Variants in DNAH3 observed in about 807,000 individuals in gnomAD.
The protein encoded by DNAH3 is axonemal beta dynein heavy chain 3.
A neutral mutation model predicts 432.5 loss-of-function variants in DNAH3; 332 were observed. That is an observed-to-expected ratio of 0.77 (90% CI 0.70 to 0.84). The LOEUF is 0.84. Among genes scored for constraint, DNAH3 ranks in the 40% least tolerant of loss-of-function variants. The probability of loss-of-function intolerance (pLI) is 0.00; values close to 1 mark genes in which losing one functional copy is unlikely to be tolerated. For synonymous variants in DNAH3, 1,956 were observed against 1,900.2 expected, an observed-to-expected ratio of 1.03 and a Z score of -0.76; for missense variants, 4,861 against 5,114.0, an observed-to-expected ratio of 0.95 and a Z score of 1.51.
At chr16:21,150,130 C>T (rs760097796) in intron 1 of DNAH3, among the ~76,000 whole-genome samples, 160 bp downstream of exon 2, 89 of 150,014 alleles carry the variant, frequency 5.9e-4, no homozygotes, top group Non-Finnish European at 7.8e-4. Context: ...GAGGCTGAGG[C>T]AGGAGAATCA....
chr16:21,034,130 C>T lies in DNAH3; in HGVS notation c.5086-45G>A. On this transcript the variant is annotated intron_variant, in intron 35 of 61. Coordinates refer to ENST00000261383, the Ensembl canonical transcript of DNAH3. Reference sequence around the variant, plus strand: ...ATAAAAGAAGCTAATCATTGCAACGCTCCCCCATTGTGAGTTAGTCAGAAG... The same window carrying T: ...ATAAAAGAAGCTAATCATTGCAACGTTCCCCCATTGTGAGTTAGTCAGAAG... 3 of 1,311,768 alleles carry T rather than the reference C, an allele frequency of 2.3e-6. No individual in the cohort carries two copies. In the South Asian group the frequency reaches 3.7e-5, roughly 16 times the overall value. The allele number at this position is 1,311,768 out of a possible 1,614,324, so 81.3% of individuals were successfully genotyped here. A position where few individuals can be genotyped will look rare whatever the true frequency, so the allele number is the denominator to read the frequency against.
intron 55 of DNAH3, among the ~76,000 whole-genome samples, chr16:20,954,434 C>G (rs569383758): frequency 6.6e-6 from 1 of 151,142 alleles, no homozygotes; most frequent in South Asian, 2.1e-4. Context: ...GGATTATAGG[C>G]GGGCACCACC....
chr16:21,108,466 G>A (rs1044415558), intron 14 of DNAH3, among the ~76,000 whole-genome samples: 1 of 152,196 alleles, frequency 6.6e-6, no homozygotes, highest in Non-Finnish European at 1.5e-5. Context: ...CAAGTAGGCC[G>A]GGTGTGGTGG....
At chr16:21,107,854 C>T (rs984409878) in intron 14 of DNAH3, among the ~76,000 whole-genome samples, 2 of 151,508 alleles carry the variant, frequency 1.3e-5, no homozygotes, top group Admixed American at 1.3e-4. Flanking sequence ...ATTACTTGAT[C>T]GTGACATGTT....
At chr16:20,950,205 CTGTG>C (rs2084249979) in intron 56 of DNAH3, among the ~76,000 whole-genome samples, 1 of 152,168 alleles carries the variant, frequency 6.6e-6, no homozygotes, top group Non-Finnish European at 1.5e-5. Context: ...TGTATGCGTA[CTGTG>C]TGTGTCATTT....
intron 41 of DNAH3, among the ~76,000 whole-genome samples, chr16:21,010,902 G>GTT (rs1183757459): frequency 3.9e-5 from 5 of 129,178 alleles, no homozygotes; most frequent in African/African-American, 1.4e-4. Flanking sequence ...TTTTTTTTTT[G>GTT]TTTTTTTTTG....
At chr16:21,019,696 T>C in exon 41 of DNAH3, 5 of 1,614,174 alleles carry the variant, frequency 3.1e-6, no homozygotes, top group Non-Finnish European at 4.2e-6. Context: ...TCCATGCCCA[T>C]GATCAGGTTG....
At chr16:21,002,797 T>C (rs1212701874) in intron 42 of DNAH3, among the ~76,000 whole-genome samples, 1 of 152,078 alleles carries the variant, frequency 6.6e-6, no homozygotes, top group Non-Finnish European at 1.5e-5. Flanking sequence ...ATAATCAGAA[T>C]AGCAACAAAC....
intron 8 of DNAH3, among the ~76,000 whole-genome samples, chr16:21,126,255 T>C (rs2092444399): frequency 6.6e-6 from 1 of 152,184 alleles, no homozygotes; most frequent in South Asian, 2.1e-4. Context: ...TAATTCCCAG[T>C]GGAAACCACT....
At chr16:20,999,730 A>G (rs1232584287) in intron 43 of DNAH3, among the ~76,000 whole-genome samples, 1 of 152,216 alleles carries the variant, frequency 6.6e-6, no homozygotes, top group Non-Finnish European at 1.5e-5. Context: ...AAGTGACCGA[A>G]GTGAGGAAAC....
At chr16:21,107,518 G>C (rs1401477502) in intron 14 of DNAH3, among the ~76,000 whole-genome samples, 1 of 152,060 alleles carries the variant, frequency 6.6e-6, no homozygotes, top group African/African-American at 2.4e-5. Flanking sequence ...GGGATTACAG[G>C]CATGAGCCAC....
At chr16:21,035,813 G>GT (rs2089139672) in intron 35 of DNAH3, among the ~76,000 whole-genome samples, 1 of 152,160 alleles carries the variant, frequency 6.6e-6, no homozygotes. Context: ...AAGAATGATT[G>GT]TTTTTACCAC....
At chr16:21,121,034 A>C in intron 10 of DNAH3, 1 of 696,144 alleles carries the variant, frequency 1.4e-6, no homozygotes. Context: ...GCCTCCTTGC[A>C]CTGCAACCTT....
At position 21,070,772 on chromosome 16, in the gene DNAH3, C is replaced by T. The variant is rs112543114; in HGVS notation, c.3139G>A (p.Val1047Met). ...CCACACATGGTCTGGGTCTTTATCA[C>T]GTGATCATCAAGTAGCATTTGAATG... Residue 1047 changes from valine (V) to methionine (M), a missense_variant, in exon 22 of 62, where the codon GTG (valine) becomes ATG (methionine). Val to Met is a conservative substitution (Grantham distance 21). Coordinates refer to ENST00000261383, the Ensembl canonical transcript of DNAH3. The T allele has an allele frequency of 9.9e-6, 16 of 1,613,562 alleles. No individual in the cohort carries two copies. The East Asian group carries it at 2.5e-4, about 25-fold the overall frequency.
At chr16:20,937,529 CTTTT>C (rs71377696) in intron 59 of DNAH3, among the ~76,000 whole-genome samples, 1 of 121,332 alleles carries the variant, frequency 8.2e-6, no homozygotes, top group Non-Finnish European at 1.7e-5. Context: ...CAAAGTTGTT[CTTTT>C]TTTTTTTTTT....
chr16:21,052,988 A>G (rs996757924), intron 28 of DNAH3, among the ~76,000 whole-genome samples: 11 of 152,102 alleles, frequency 7.2e-5, no homozygotes, highest in Admixed American at 7.2e-4. Flanking sequence ...CCCTGATTTA[A>G]TTTTATCCAA....
Position 21,094,057 on chromosome 16 carries a change from G to A in DNAH3, c.2665+3298C>T, listed in dbSNP as rs915960693. The stretch of plus-strand genomic sequence containing the variant: ...CAATCCATAAAAGAAAAATTGATAC[G>A]TTGGACGTCATCAAAGTTAAAACCT... On this transcript the variant is annotated intron_variant, in intron 18 of 61. Transcript: ENST00000261383. 6.6e-5 allele frequency among the ~76,000 whole-genome samples: 10 copies of A among 152,018 alleles called. 1 individual carries two copies. The highest frequency in any genetic ancestry group is 5.8e-4 in the East Asian group (3 of 5,200).
chr16:20,979,198 G>A, intron 50 of DNAH3, 132 bp downstream of exon 50: 1 of 745,740 alleles, frequency 1.3e-6, no homozygotes, highest in Non-Finnish European at 2.3e-6. Flanking sequence ...TGTAGGTAAG[G>A]TAAGCTCTGC....
rs546543617 is a variant in DNAH3 at position 21,034,146 on chromosome 16, T to C, written c.5086-61A>G. ...ATTGCAACGCTCCCCCATTGTGAGTTAGTCAGAAGTCAATGAGGAATGAGG... is the reference window on the plus strand; with the variant it reads ...ATTGCAACGCTCCCCCATTGTGAGTCAGTCAGAAGTCAATGAGGAATGAGG... On this transcript the variant is annotated intron_variant, in intron 35 of 61. Transcript: ENST00000261383. 322 of 1,124,732 alleles carry C rather than the reference T, an allele frequency of 2.9e-4. 3 individuals carry two copies. In the South Asian group the frequency reaches 4.1e-3, roughly 14 times the overall value. The allele number at this position is 1,124,732 out of a possible 1,614,324, so 69.7% of individuals were successfully genotyped here.
Sources: gnomAD v4.1 joint callset for allele counts (sites outside exome capture counted in the v4.1 genomes callset) on GRCh38, gnomAD v4.1.1 for gene constraint, MANE v1.5 for transcripts, NCBI Gene and HGNC (gene_info 2026-07-23, HGNC 2026-07-21) for gene names.